MBP: variants seen among roughly 807,000 people sequenced by gnomAD.
MBP encodes the protein Golli-MBP.
A neutral mutation model predicts 35.8 loss-of-function variants in MBP; 16 were observed. The ratio of observed to expected loss-of-function variants is 0.45; its 90% CI spans 0.30 to 0.68. The LOEUF (loss-of-function observed/expected upper bound fraction) is 0.68, where lower values mean the gene tolerates loss of function less well. Among genes scored for constraint, MBP ranks in the 30% least tolerant of loss-of-function variants. MBP has a pLI of 0.08. For missense variants in MBP, 380 were observed against 404.7 expected (o/e 0.94, Z 0.52); for synonymous variants, 143 against 159.6 (o/e 0.90, Z 0.78).
intron 3 of MBP, among the ~76,000 whole-genome samples, chr18:77,056,021 GCGTGCTGCGCTCCACTGAC>G (rs1973704414): frequency 6.6e-6 from 1 of 152,262 alleles, no homozygotes; most frequent in African/African-American, 2.4e-5. Flanking sequence ...TCACGGCTGA[GCGTGCTGCGCTCCACTGAC>G]CGTGTGGATG....
chr18:76,992,354 C>T (rs917552115), intron 4 of MBP, among the ~76,000 whole-genome samples: 2 of 152,200 alleles, frequency 1.3e-5, no homozygotes, highest in Non-Finnish European at 2.9e-5. Flanking sequence ...AATCTGGTGC[C>T]GCTGGCCTGA....
At chr18:77,014,108 A>C (rs1247654473) in intron 4 of MBP, 1 of 985,346 alleles carries the variant, frequency 1.0e-6, no homozygotes, top group Non-Finnish European at 1.2e-6. Context: ...CTCACAACAA[A>C]GGAGCATGTT....
rs1969752877 is a variant in MBP at position 76,989,224 on chromosome 18, G to A, written c.682-312C>T. 2 of 569,734 alleles carry A rather than the reference G, an allele frequency of 3.5e-6. No individual in the cohort carries two copies. Among genetic ancestry groups the A allele is most frequent in the African/African-American group, 1.9e-5 (1 of 53,740 alleles). The allele number at this position is 569,734 out of a possible 1,614,324, so 35.3% of individuals were successfully genotyped here. A position where few individuals can be genotyped will look rare whatever the true frequency, so the allele number is the denominator to read the frequency against. Reference sequence around the variant, plus strand: ...GGGAGGCGGCGGACTTTGCTTCACCGTGAGCCCTTTCCGGGGCTAGGAGTA... The same window carrying A: ...GGGAGGCGGCGGACTTTGCTTCACCATGAGCCCTTTCCGGGGCTAGGAGTA... On this transcript the variant is annotated intron_variant, in intron 5 of 8. Coordinates refer to ENST00000355994, the MANE Select transcript of MBP (RefSeq NM_001025101.2). The surrounding 1 kb of genome is among the most constrained non-coding windows in gnomAD (Gnocchi z 4.0).
chr18:76,989,641 C>G lies in MBP; in HGVS notation c.681+315G>C. 1 of 325,904 alleles carries G rather than the reference C, an allele frequency of 3.1e-6. No homozygotes were observed. Among genetic ancestry groups the G allele is most frequent in the Non-Finnish European group, 5.8e-6 (1 of 172,456 alleles). 20.2% of individuals were successfully genotyped at this position (325,904 alleles called of 1,614,324 possible). On this transcript the variant is annotated intron_variant, in intron 5 of 8. Coordinates refer to ENST00000355994, the MANE Select transcript of MBP (RefSeq NM_001025101.2). The surrounding 1 kb of genome is among the most constrained non-coding windows in gnomAD (Gnocchi z 4.0). ...TCTGCTGCCCCCTCCGCTCCCAGCCCATGGCAAGCACTCTCCATAGGTTGC... is the reference window on the plus strand; with the variant it reads ...TCTGCTGCCCCCTCCGCTCCCAGCCGATGGCAAGCACTCTCCATAGGTTGC...
At chr18:77,016,419 G>GA in intron 4 of MBP, 8 of 1,015,190 alleles carry the variant, frequency 7.9e-6, no homozygotes, top group Non-Finnish European at 9.4e-6. Flanking sequence ...CTGACTCCAG[G>GA]AAAAAACGAG....
chr18:77,004,774 GGTT>G (rs1970833606), intron 4 of MBP: 1 of 152,378 alleles, frequency 6.6e-6, no homozygotes, highest in South Asian at 2.1e-4. Flanking sequence ...CTACTCGGGA[GGTT>G]GTTGCTTTGC....
chr18:77,023,536 A>G lies in MBP; in HGVS notation c.140-6268T>C, dbSNP rs470921. ...TCCCTTCGTGGGTTCCACTGCCTGC[A>G]CAACCGCTGGACCATCCGTAAAGGG... is the stretch of plus-strand genomic sequence containing the variant. On this transcript the variant is annotated intron_variant, in intron 3 of 8. Transcript: ENST00000355994. Among the ~76,000 whole-genome samples, 820 of 152,202 alleles carry G rather than the reference A, an allele frequency of 5.4e-3. 8 individuals carry two copies. The highest frequency in any genetic ancestry group is 0.019 in the African/African-American group (781 of 41,528).
intron 7 of MBP, chr18:76,985,196 T>C: frequency 6.9e-7 from 1 of 1,444,064 alleles, no homozygotes; most frequent in Non-Finnish European, 9.2e-7. Context: ...TAGGGAACAG[T>C]TGCTTACCTT....
At chr18:76,984,550 G>C (rs904930058) in intron 8 of MBP, 13 of 581,046 alleles carry the variant, frequency 2.2e-5, no homozygotes, top group African/African-American at 2.1e-4. Flanking sequence ...CCCAGGCGCA[G>C]CCCTTCCTCA....
intron 2 of MBP, among the ~76,000 whole-genome samples, chr18:77,088,655 T>G (rs1162206408): frequency 2.0e-5 from 1 of 50,382 alleles, no homozygotes; most frequent in Non-Finnish European, 4.7e-5. Context: ...TCTTTATTTC[T>G]CTAAAACAAA....
chr18:77,014,282 C>G, intron 4 of MBP: 1 of 985,462 alleles, frequency 1.0e-6, no homozygotes, highest in Non-Finnish European at 1.2e-6. Flanking sequence ...GTACCAGCGG[C>G]CATGTGCCCT....
chr18:77,074,795 G>A (rs1345729256), intron 2 of MBP, among the ~76,000 whole-genome samples: 3 of 152,190 alleles, frequency 2.0e-5, no homozygotes, highest in Admixed American at 2.0e-4. Flanking sequence ...GAGTACCATT[G>A]GCACCACTGG....
At chr18:77,047,601 T>C (rs987435758) in intron 3 of MBP, among the ~76,000 whole-genome samples, 20 of 152,246 alleles carry the variant, frequency 1.3e-4, no homozygotes, top group African/African-American at 4.1e-4. Context: ...AAACCGTTAA[T>C]GTGTACACTG....
chr18:76,984,658 C>G, intron 8 of MBP, 117 bp downstream of exon 8: 1 of 1,421,176 alleles, frequency 7.0e-7, no homozygotes, highest in Non-Finnish European at 9.8e-7. Context: ...GGACAGAGCA[C>G]GTCCAGGGTA....
intron 4 of MBP, among the ~76,000 whole-genome samples, chr18:77,011,152 C>T (rs3794829): frequency 0.27 from 41,594 of 152,094 alleles, 7,078 homozygotes; most frequent in Admixed American, 0.41. Context: ...GATGGATTCT[C>T]CCTGCATGAG....
At chr18:77,076,166 G>A (rs1974641609) in intron 2 of MBP, among the ~76,000 whole-genome samples, 1 of 152,224 alleles carries the variant, frequency 6.6e-6, no homozygotes, top group Non-Finnish European at 1.5e-5. Context: ...GCTGGGTTTG[G>A]ACACTTGTCC....
chr18:77,075,097 G>T (rs1316278498), intron 2 of MBP, among the ~76,000 whole-genome samples: 4 of 152,170 alleles, frequency 2.6e-5, no homozygotes, highest in Non-Finnish European at 5.9e-5. Flanking sequence ...TCCTCTCCAA[G>T]ATCCAGAATG....
chr18:76,990,635 T>C (rs1969850611), intron 4 of MBP, among the ~76,000 whole-genome samples: 1 of 152,164 alleles, frequency 6.6e-6, no homozygotes, highest in African/African-American at 2.4e-5. Flanking sequence ...AAAGAGGGCT[T>C]AGAAGAGCCT....
At chr18:77,071,575 T>C (rs1288509703) in intron 2 of MBP, among the ~76,000 whole-genome samples, 1 of 152,186 alleles carries the variant, frequency 6.6e-6, no homozygotes, top group Admixed American at 6.5e-5. Context: ...TAAGAATCCA[T>C]GACTGTATTC....
Sources: gnomAD v4.1 joint callset for allele counts (sites outside exome capture counted in the v4.1 genomes callset) on GRCh38, gnomAD v4.1.1 for gene constraint, Gnocchi (gnomAD v3.1) non-coding constraint, MANE v1.5 for transcripts, NCBI Gene and HGNC (gene_info 2026-07-23, HGNC 2026-07-21) for gene names.